The following CREB5 variants were observed in gnomAD, a reference collection of about 807,000 sequenced individuals.
CREB5 encodes the protein cAMP responsive element binding protein 5.
A neutral mutation model predicts 57.1 loss-of-function variants in CREB5; 19 were observed. That is an observed-to-expected ratio of 0.33 (90% confidence interval 0.23 to 0.49). CREB5 has a LOEUF of 0.49. Ranked by LOEUF, CREB5 falls within the 20% of genes least tolerant of loss-of-function variation. The pLI is 0.99. For missense variants in CREB5, 579 were observed against 671.6 expected (o/e 0.86, Z 1.52); for synonymous variants, 238 against 238.3 (o/e 1.00, Z 0.01).
In CREB5 at chr7:28,824,243, A is replaced by T. The variant is rs926020315; in HGVS notation, c.*4964A>T. The T allele has an allele frequency of 1.4e-4, 21 of 152,584 alleles. No individual in the cohort carries two copies. Among genetic ancestry groups the T allele is most frequent in the African/African-American group, 5.1e-4 (21 of 41,448 alleles). 9.5% of individuals were successfully genotyped at this position (152,584 alleles called of 1,614,324 possible). A position where few individuals can be genotyped will look rare whatever the true frequency, so the allele number is the denominator to read the frequency against. Reference sequence around the variant, plus strand: ...TATGGTTTATACTCTTTATCCCTTTATTCATAGCATGTTTTTTAAAAATGT... The same window carrying T: ...TATGGTTTATACTCTTTATCCCTTTTTTCATAGCATGTTTTTTAAAAATGT... On this transcript the variant is annotated 3_prime_UTR_variant, in exon 11 of 11. Transcript: ENST00000357727.
intron 1 of CREB5, among the ~76,000 whole-genome samples, chr7:28,370,222 G>A (rs757725269): frequency 2.0e-5 from 3 of 152,164 alleles, no homozygotes; most frequent in Admixed American, 1.3e-4. Context: ...GTAAGGCCAC[G>A]GTAGGACGTG....
chr7:28,434,326 C>T (rs191763547), intron 1 of CREB5, among the ~76,000 whole-genome samples: 3 of 152,164 alleles, frequency 2.0e-5, no homozygotes, highest in South Asian at 2.1e-4. Flanking sequence ...CATAATGATT[C>T]GATTATTAAT....
At chr7:28,764,095 G>C (rs1291759501) in intron 7 of CREB5, among the ~76,000 whole-genome samples, 1 of 152,096 alleles carries the variant, frequency 6.6e-6, no homozygotes, top group Non-Finnish European at 1.5e-5. Flanking sequence ...GAGCCACCAT[G>C]CCTGGCCTAA....
intron 1 of CREB5, among the ~76,000 whole-genome samples, chr7:28,405,374 G>T (rs1231556226): frequency 6.6e-6 from 1 of 152,134 alleles, no homozygotes; most frequent in Admixed American, 6.5e-5. Context: ...CCTTCTCTAG[G>T]GATATGTTCA....
intron 1 of CREB5, among the ~76,000 whole-genome samples, chr7:28,344,418 G>C (rs376143610): frequency 6.6e-6 from 1 of 152,104 alleles, no homozygotes; most frequent in African/African-American, 2.4e-5. Context: ...CCTTTCCCCA[G>C]CATGTGTTCT....
intron 1 of CREB5, among the ~76,000 whole-genome samples, chr7:28,382,464 T>C (rs887622): frequency 0.24 from 36,734 of 152,132 alleles, 5,187 homozygotes; most frequent in Non-Finnish European, 0.32. Context: ...ACCAGCTATC[T>C]GAGTACCCCT....
Position 28,430,253 on chromosome 7 carries a change from T to G in CREB5, c.3+17336T>G, listed in dbSNP as rs139857163. 1.6e-3 allele frequency among the ~76,000 whole-genome samples: 243 copies of G among 152,324 alleles called. 2 individuals carry two copies. The highest frequency in any genetic ancestry group is 5.6e-3 in the African/African-American group (234 of 41,562). On this transcript the variant is annotated intron_variant, in intron 1 of 10. Transcript: ENST00000357727. ...ATGAAAGAGGCCCCATCTTTATAGT[T>G]AACATTGCTGTGGGAGGCATCCACT...
intron 5 of CREB5, among the ~76,000 whole-genome samples, chr7:28,693,985 A>G (rs1010963494): frequency 1.3e-5 from 2 of 152,212 alleles, no homozygotes; most frequent in African/African-American, 4.8e-5. Context: ...CTGGCTGTAC[A>G]TGCCATTGGT....
At position 28,375,560 on chromosome 7, in the gene CREB5, C is replaced by T. The variant is rs181807541; in HGVS notation, c.-25+76119C>T. The stretch of plus-strand genomic sequence containing the variant: ...ATAAATGCTTGAGGGGATGGGTACC[C>T]CATTTTTCATGATGTGATTATAAAT... On this transcript the variant is annotated intron_variant, in intron 1 of 9. Coordinates refer to the CREB5 transcript ENST00000396299. 8.3e-3 allele frequency among the ~76,000 whole-genome samples: 1,250 copies of T among 151,326 alleles called. 8 individuals carry two copies. The highest frequency in any genetic ancestry group is 0.012 in the Non-Finnish European group (842 of 67,848).
At chr7:28,435,731 A>T in intron 1 of CREB5, 1 of 890,590 alleles carries the variant, frequency 1.1e-6, no homozygotes, top group Non-Finnish European at 1.3e-6. Context: ...CAGATGAACC[A>T]AACACTCAGA....
chr7:28,516,991 C>T (rs957805555), intron 4 of CREB5, among the ~76,000 whole-genome samples: 4 of 152,150 alleles, frequency 2.6e-5, no homozygotes, highest in East Asian at 1.9e-4. Flanking sequence ...CGCTGTCCTC[C>T]GCGAGGCCCT....
chr7:28,300,797 C>A (rs752288525), intron 1 of CREB5, among the ~76,000 whole-genome samples: 1 of 152,102 alleles, frequency 6.6e-6, no homozygotes, highest in Non-Finnish European at 1.5e-5. Context: ...TAAACTCTCA[C>A]GAAGGGCATT....
chr7:28,303,014 T>C (rs1210422521), intron 1 of CREB5, among the ~76,000 whole-genome samples: 5 of 152,182 alleles, frequency 3.3e-5, no homozygotes, highest in Admixed American at 1.3e-4. Flanking sequence ...CTAGTCCTAA[T>C]CTTGGAATTA....
chr7:28,805,632 CGAAGCTATTCATTAGATAAACT>C (rs1357722589), intron 8 of CREB5, among the ~76,000 whole-genome samples: 1 of 152,142 alleles, frequency 6.6e-6, no homozygotes, highest in Non-Finnish European at 1.5e-5. Flanking sequence ...AAGCAACTCT[CGAAGCTATTCATTAGATAAACT>C]GTCTTTTGCA....
intron 5 of CREB5, among the ~76,000 whole-genome samples, chr7:28,663,144 C>CAA (rs77569783): frequency 6.8e-6 from 1 of 147,356 alleles, no homozygotes; most frequent in African/African-American, 2.5e-5. Context: ...GATTCCATCT[C>CAA]AAAAAAAAAA....
chr7:28,515,022 C>T (rs1057268833), intron 4 of CREB5, among the ~76,000 whole-genome samples: 3 of 152,158 alleles, frequency 2.0e-5, no homozygotes, highest in African/African-American at 4.8e-5. Flanking sequence ...CTTGCACCAG[C>T]ATTTCCTGTT....
intron 5 of CREB5, among the ~76,000 whole-genome samples, chr7:28,654,962 G>A (rs1261594183): frequency 6.6e-6 from 1 of 152,084 alleles, no homozygotes; most frequent in Non-Finnish European, 1.5e-5. Context: ...CCAGGCTGGA[G>A]TACAGTGGCA....
At chr7:28,601,806 G>GA (rs925509654) in intron 5 of CREB5, among the ~76,000 whole-genome samples, 3 of 152,030 alleles carry the variant, frequency 2.0e-5, no homozygotes, top group Non-Finnish European at 2.9e-5. Flanking sequence ...CTTCTATCTG[G>GA]AAAAAATAGA....
At position 28,348,919 on chromosome 7, in the gene CREB5, A is replaced by C. The variant is rs552069998; in HGVS notation, c.-25+49478A>C. ...ACATGAATTTATTTATGGCATAACC[A>C]ACCCTGATTTTGGCCTAGCTCTTGT... On this transcript the variant is annotated intron_variant, in intron 1 of 9. Coordinates refer to the CREB5 transcript ENST00000396299. Among the ~76,000 whole-genome samples, 33 of 152,338 alleles carry C rather than the reference A, an allele frequency of 2.2e-4. 1 individual carries two copies. In the South Asian group the frequency reaches 6.4e-3, roughly 30 times the overall value.
Sources: gnomAD v4.1 joint callset for allele counts (sites outside exome capture counted in the v4.1 genomes callset) on GRCh38, gnomAD v4.1.1 for gene constraint, MANE v1.5 for transcripts, NCBI Gene and HGNC (gene_info 2026-07-23, HGNC 2026-07-21) for gene names.